The following C19orf67 variants were observed in gnomAD, a reference collection of about 807,000 sequenced individuals.
C19orf67 encodes chromosome 19 open reading frame 67.
A neutral mutation model predicts 41.4 loss-of-function variants in C19orf67; 28 were observed. The observed-to-expected ratio is 0.68, with a 90% CI of 0.50 to 0.93. The LOEUF (loss-of-function observed/expected upper bound fraction) is 0.93. Ranked by LOEUF, C19orf67 falls within the 40% of genes least tolerant of loss-of-function variation. The pLI, the probability that C19orf67 is intolerant of heterozygous loss-of-function variation, is 0.00. For missense variants in C19orf67, 421 were observed against 467.0 expected, an observed-to-expected ratio of 0.90 and a Z score of 0.91; for synonymous variants, 242 against 203.4, an observed-to-expected ratio of 1.19 and a Z score of -1.62.
At position 14,085,442 on chromosome 19, in the gene C19orf67, C is replaced by A; in HGVS notation, c.186G>T (p.Arg62=). Reference sequence around the variant, plus strand: ...GAGGTTTGGGGGAAGACGTGGAGGCCCGGGCCTCAGCCAGCCGCCCCTCGG... The same window carrying A: ...GAGGTTTGGGGGAAGACGTGGAGGCACGGGCCTCAGCCAGCCGCCCCTCGG... ...EDAEGRLAEA[R]ASTSSPKPLV... The change falls in exon 1 of 6, where the codon CGG becomes CGT. Residue 62 remains arginine (R), a synonymous_variant. Transcript: ENST00000548523. 6.5e-7 allele frequency: 1 copy of A among 1,535,646 alleles called. No individual in the cohort carries two copies. The highest frequency in any genetic ancestry group is 1.4e-5 in the African/African-American group (1 of 73,174).
At chr19:14,082,923 G>A (rs2169764) in intron 4 of C19orf67, among the ~76,000 whole-genome samples, 62,475 of 151,198 alleles carry the variant, frequency 0.41, 13,282 homozygotes, top group African/African-American at 0.5. Flanking sequence ...ACAGCTCACC[G>A]TAGCCTTGAT....
rs1198396341 is a variant in C19orf67 at position 14,083,540 on chromosome 19, A to G, written c.546T>C (p.Phe182=). The G allele has an allele frequency of 5.9e-6, 9 of 1,536,058 alleles. No homozygotes were observed. The highest frequency in any genetic ancestry group is 7.8e-6 in the Non-Finnish European group (9 of 1,146,890). The change falls in exon 3 of 6, where the codon TTT becomes TTC. Residue 182 remains phenylalanine (F), a synonymous_variant. Coordinates refer to ENST00000548523, the MANE Select transcript of C19orf67 (RefSeq NM_001277378.2). ...TCATCTCCTCCAGGTCCACGAACCC[A>G]AAGGAAGCGTACATGAGGACCAGCT... ...LEQLVLMYAS[F]GFVDLEEMNP...
Position 14,085,735 on chromosome 19 carries a change from C to A in C19orf67, c.-108G>T. On this transcript the variant is annotated 5_prime_UTR_variant, in exon 1 of 6. Transcript: ENST00000548523. ...AGCCTCCGACTGGCCCCTGCCTTGACCTCTCCACCGGAGCCGCGCCGCCGC... is the reference window on the plus strand; with the variant it reads ...AGCCTCCGACTGGCCCCTGCCTTGAACTCTCCACCGGAGCCGCGCCGCCGC... 1 of 795,090 alleles carries A rather than the reference C, an allele frequency of 1.3e-6. No homozygotes were observed. The allele number at this position is 795,090 out of a possible 1,614,324, so 49.3% of individuals were successfully genotyped here.
At position 14,083,772 on chromosome 19, in the gene C19orf67, G is replaced by A. The variant is rs532711615; in HGVS notation, c.441C>T (p.Pro147=). The part of the protein sequence containing the change: ...LYLEAAARSI[P]PIYGPLQELV... ...GCTCCTGCAGGGGTCCATAGATGGG[G>A]GGTATGCTTCTCGCGGCTGCCTCCA... The change falls in exon 2 of 6, where the codon CCC becomes CCT. Residue 147 remains proline (P), a synonymous_variant. Coordinates refer to ENST00000548523, the MANE Select transcript of C19orf67 (RefSeq NM_001277378.2). The A allele has an allele frequency of 7.0e-6, 10 of 1,427,968 alleles. No homozygotes were observed. Among genetic ancestry groups the A allele is most frequent in the African/African-American group, 1.4e-5 (1 of 69,660 alleles). 88.5% of individuals were successfully genotyped at this position (1,427,968 alleles called of 1,614,324 possible). A position where few individuals can be genotyped will look rare whatever the true frequency, so the allele number is the denominator to read the frequency against.
rs1568519669 is a variant in C19orf67, at chr19:14,085,648, A to T, written c.-21T>A. 2 of 1,482,786 alleles carry T rather than the reference A, an allele frequency of 1.3e-6. No homozygotes were observed. The highest frequency in any genetic ancestry group is 1.8e-6 in the Non-Finnish European group (2 of 1,100,760). 91.9% of individuals were successfully genotyped at this position (1,482,786 alleles called of 1,614,324 possible). A position where few individuals can be genotyped will look rare whatever the true frequency, so the allele number is the denominator to read the frequency against. On this transcript the variant is annotated 5_prime_UTR_variant, in exon 1 of 6. Transcript: ENST00000548523. The stretch of plus-strand genomic sequence containing the variant: ...GCCATGGTAGGGCCGGGGGGCGGGA[A>T]CCTGAGCTCTTTAAGCTTCCGCTGC...
In C19orf67 at chr19:14,081,772, C is replaced by T. The variant is rs2145723981; in HGVS notation, c.*62G>A. 8.2e-6 allele frequency: 11 copies of T among 1,345,860 alleles called. No homozygotes were observed. Among genetic ancestry groups the T allele is most frequent in the Non-Finnish European group, 1.1e-5 (11 of 1,019,888 alleles). 83.4% of individuals were successfully genotyped at this position (1,345,860 alleles called of 1,614,324 possible). ...CACTGCGAGAACGAGTGAGCCCCTC[C>T]CCTGCCCCCTATTCTGGAGTTTGGA... is the stretch of plus-strand genomic sequence containing the variant. On this transcript the variant is annotated 3_prime_UTR_variant, in exon 6 of 6. Coordinates refer to ENST00000548523, the MANE Select transcript of C19orf67 (RefSeq NM_001277378.2).
chr19:14,083,920 C>T, intron 1 of C19orf67, 43 bp from the exon 2 acceptor site: 1 of 1,286,462 alleles, frequency 7.8e-7, no homozygotes. Flanking sequence ...CCTCACAACC[C>T]CTCCCCACCC....
In C19orf67 at chr19:14,085,444, G is replaced by A. The variant is rs762004012; in HGVS notation, c.184C>T (p.Arg62Trp). 9.1e-6 allele frequency: 14 copies of A among 1,535,644 alleles called. No individual in the cohort carries two copies. The highest frequency in any genetic ancestry group is 7.8e-5 in the Admixed American group (4 of 50,956). The part of the protein sequence containing the change: ...EDAEGRLAEA[R>W]ASTSSPKPLV... ...GGTTTGGGGGAAGACGTGGAGGCCC[G>A]GGCCTCAGCCAGCCGCCCCTCGGCA... The change falls in exon 1 of 6, where the codon CGG becomes TGG. Residue 62 changes from arginine to tryptophan, a missense_variant. Coordinates refer to ENST00000548523, the MANE Select transcript of C19orf67 (RefSeq NM_001277378.2).
rs1434285983 is a variant in C19orf67 at position 14,081,676 on chromosome 19, C to T, written c.*158G>A. On this transcript the variant is annotated 3_prime_UTR_variant, in exon 6 of 6. Transcript: ENST00000548523. Reference sequence around the variant, plus strand: ...AAACTGACGTGTCCGCATTCAGGGCCCCACGGCCAAGCCGGACTCGGTGCA... The same window carrying T: ...AAACTGACGTGTCCGCATTCAGGGCTCCACGGCCAAGCCGGACTCGGTGCA... 5.6e-6 allele frequency: 3 copies of T among 539,810 alleles called. No individual in the cohort carries two copies. Among genetic ancestry groups the T allele is most frequent in the Middle Eastern group, 4.9e-4 (1 of 2,036 alleles). The allele number at this position is 539,810 out of a possible 1,614,324, so 33.4% of individuals were successfully genotyped here.
chr19:14,085,129 T>C (rs568230744), intron 1 of C19orf67, among the ~76,000 whole-genome samples, 164 bp downstream of exon 1: 2 of 152,308 alleles, frequency 1.3e-5, no homozygotes, highest in Admixed American at 1.3e-4. Context: ...TTCTACAGTC[T>C]TCCTCATTCT....
chr19:14,085,643 C>T lies in C19orf67; in HGVS notation c.-16G>A, dbSNP rs1327166225. On this transcript the variant is annotated 5_prime_UTR_variant, in exon 1 of 6. Transcript: ENST00000548523. ...CTGTAGCCATGGTAGGGCCGGGGGG[C>T]GGGAACCTGAGCTCTTTAAGCTTCC... The T allele has an allele frequency of 6.7e-7, 1 of 1,494,740 alleles. No individual in the cohort carries two copies. The highest frequency in any genetic ancestry group is 9.0e-7 in the Non-Finnish European group (1 of 1,112,848). 92.6% of individuals were successfully genotyped at this position (1,494,740 alleles called of 1,614,324 possible).
chr19:14,085,571 C>G lies in C19orf67; in HGVS notation c.57G>C (p.Pro19=). ...TCCCAGGTTCCAAGGCGTCTGGAGG[C>G]GGTGTTTCTCCAGGGTCCAGGGGGA... is the stretch of plus-strand genomic sequence containing the variant. The part of the protein sequence containing the change: ...GSLPLDPGET[P]PPDALEPGTP... Residue 19 remains proline (P), a synonymous_variant, in exon 1 of 6, where the codon CCG becomes CCC. Transcript: ENST00000548523. The G allele has an allele frequency of 1.3e-6, 2 of 1,535,174 alleles. No individual in the cohort carries two copies. The highest frequency in any genetic ancestry group is 1.7e-6 in the Non-Finnish European group (2 of 1,146,562).
chr19:14,083,198 T>C (rs1290355398), intron 4 of C19orf67, 39 bp downstream of exon 4: 2 of 1,510,268 alleles, frequency 1.3e-6, no homozygotes, highest in African/African-American at 1.4e-5. Flanking sequence ...GCATTCATCA[T>C]AGAAAGGGGA....
chr19:14,081,954 G>C lies in C19orf67; in HGVS notation c.957C>G (p.Phe319Leu). Residue 319 changes from phenylalanine to leucine, a missense_variant, in exon 6 of 6, where the codon TTC becomes TTG. Transcript: ENST00000548523. ...GDYQQLLTIGFEEPTPTLATD... is the reference protein window; with the variant it reads ...GDYQQLLTIGLEEPTPTLATD... ...TGGCCAGCGTGGGCGTGGGCTCCTC[G>C]AAGCCGATGGTCAGCAGCTGCTGGT... The C allele has an allele frequency of 6.5e-7, 1 of 1,531,680 alleles. No homozygotes were observed. Among genetic ancestry groups the C allele is most frequent in the Admixed American group, 2.0e-5 (1 of 50,618 alleles). 94.9% of individuals were successfully genotyped at this position (1,531,680 alleles called of 1,614,324 possible).
chr19:14,081,988 A>G lies in C19orf67; in HGVS notation c.923T>C (p.Leu308Pro), dbSNP rs1247716215. Reference protein sequence around the residue: ...LYSWILCPQPLGDYQQLLTIG... With the variant: ...LYSWILCPQPPGDYQQLLTIG... The stretch of plus-strand genomic sequence containing the variant: ...GGTCAGCAGCTGCTGGTAGTCCCCA[A>G]GCGGCTGCGGGCACAAAATCCTGGG... The change falls in exon 6 of 6, where the codon CTT becomes CCT. Residue 308 changes from leucine (L) to proline (P), a missense_variant. Physicochemically the swap from Leu to Pro is moderately conservative, Grantham distance 98. This residue lies in a region of C19orf67 where 253 missense variants were observed against 307.0 expected (regional missense o/e 0.82). Transcript: ENST00000548523. 6.1e-6 allele frequency: 9 copies of G among 1,468,940 alleles called. No individual in the cohort carries two copies. The highest frequency in any genetic ancestry group is 5.3e-5 in the East Asian group (2 of 37,990). The allele number at this position is 1,468,940 out of a possible 1,614,324, so 91.0% of individuals were successfully genotyped here.
chr19:14,085,767 G>C lies in C19orf67; in HGVS notation c.-140C>G. On this transcript the variant is annotated 5_prime_UTR_variant, in exon 1 of 6. Coordinates refer to ENST00000548523, the MANE Select transcript of C19orf67 (RefSeq NM_001277378.2). Reference sequence around the variant, plus strand: ...ACCGGAGCCGCGCCGCCGCGCCGGGGGCCGTTCGCCTCTTTTGAATTTCAA... The same window carrying C: ...ACCGGAGCCGCGCCGCCGCGCCGGGCGCCGTTCGCCTCTTTTGAATTTCAA... The C allele has an allele frequency of 1.6e-6, 1 of 641,214 alleles. No individual in the cohort carries two copies. The highest frequency in any genetic ancestry group is 2.9e-5 in the Admixed American group (1 of 34,088). The allele number at this position is 641,214 out of a possible 1,614,324, so 39.7% of individuals were successfully genotyped here.
At chr19:14,082,140 G>A in intron 5 of C19orf67, 132 bp from the exon 6 acceptor site, 1 of 800,954 alleles carries the variant, frequency 1.2e-6, no homozygotes, top group Non-Finnish European at 1.9e-6. Context: ...AAACCCCCGG[G>A]GGAAACTTGT....
intron 1 of C19orf67, 113 bp downstream of exon 1, chr19:14,085,179 TC>T: frequency 1.3e-6 from 1 of 745,320 alleles, no homozygotes; most frequent in South Asian, 1.7e-5. Flanking sequence ...TTCCACTGTC[TC>T]CCTCTGGCTC....
Position 14,083,318 on chromosome 19 carries a change from CGGG to C in C19orf67, c.683_685del (p.Pro228del). 6.5e-7 allele frequency: 1 copy of C among 1,535,956 alleles called. No individual in the cohort carries two copies. The highest frequency in any genetic ancestry group is 8.7e-7 in the Non-Finnish European group (1 of 1,146,874). ...CCAGCGCATCTTCTTATAGAGGTAGCGGGGGAAGCGGCTGGCAGTGTAGGCGGT... is the reference window on the plus strand; with the variant it reads ...CCAGCGCATCTTCTTATAGAGGTAGCGGAAGCGGCTGGCAGTGTAGGCGGT... On this transcript the variant is annotated inframe_deletion, in exon 4 of 6. Coordinates refer to ENST00000548523, the MANE Select transcript of C19orf67 (RefSeq NM_001277378.2).
Sources: allele counts gnomAD v4.1 joint callset (sites outside exome capture counted in the v4.1 genomes callset), GRCh38; gene constraint gnomAD v4.1.1; regional missense constraint gnomAD v4.1.1; transcripts MANE v1.5; gene names NCBI Gene and HGNC (gene_info 2026-07-23, HGNC 2026-07-21).